Variants in VPS13B observed in about 807,000 individuals in gnomAD.
The protein encoded by VPS13B is intermembrane lipid transfer protein VPS13B.
In VPS13B, 285 loss-of-function variants were observed where a neutral mutation model predicts 426.4. That is an observed-to-expected ratio of 0.67 (90% confidence interval 0.61 to 0.74). The LOEUF (loss-of-function observed/expected upper bound fraction) is 0.74. VPS13B is among the 30% of genes least tolerant of loss of function. VPS13B has a pLI of 0.00. For missense variants in VPS13B, 4,537 were observed against 4,782.6 expected (o/e 0.95, Z 1.51); for synonymous variants, 1,676 against 1,676.4 (o/e 1.00, Z 0.01).
At chr8:99,427,868 G>C (rs958146625) in intron 21 of VPS13B, among the ~76,000 whole-genome samples, 1 of 151,952 alleles carries the variant, frequency 6.6e-6, no homozygotes, top group Non-Finnish European at 1.5e-5. Context: ...GAGGTATCAG[G>C]CTACCTGACT....
At chr8:99,639,778 T>A (rs941564898) in intron 33 of VPS13B, among the ~76,000 whole-genome samples, 5 of 148,942 alleles carry the variant, frequency 3.4e-5, no homozygotes, top group Non-Finnish European at 5.9e-5. Flanking sequence ...TGAGACCAGG[T>A]TGGGCTACAC....
intron 3 of VPS13B, among the ~76,000 whole-genome samples, chr8:99,073,855 C>T (rs976379866): frequency 2.0e-5 from 3 of 151,996 alleles, no homozygotes; most frequent in Non-Finnish European, 2.9e-5. Flanking sequence ...ACTGCAGCCT[C>T]AACCTCCCTG....
Position 99,875,846 on chromosome 8 carries a change from A to T in VPS13B, c.*180A>T. ...CCACCATAAAGGGCTGCATTTTGCC[A>T]CCATAAAGGGCTGCATTTTTTTAAA... On this transcript the variant is annotated 3_prime_UTR_variant, in exon 62 of 62. Transcript: ENST00000357162. 1 of 763,944 alleles carries T rather than the reference A, an allele frequency of 1.3e-6. No homozygotes were observed. Among genetic ancestry groups the T allele is most frequent in the Non-Finnish European group, 2.1e-6 (1 of 479,772 alleles). The allele number at this position is 763,944 out of a possible 1,614,324, so 47.3% of individuals were successfully genotyped here.
intron 43 of VPS13B, among the ~76,000 whole-genome samples, 165 bp downstream of exon 43, chr8:99,784,641 C>T (rs185851030): frequency 7.2e-5 from 11 of 152,246 alleles, no homozygotes; most frequent in East Asian, 3.9e-4. Flanking sequence ...TGGGAGCACA[C>T]GCTTCTCTTG....
At chr8:99,437,568 A>G (rs1257471437) in intron 22 of VPS13B, among the ~76,000 whole-genome samples, 1 of 151,996 alleles carries the variant, frequency 6.6e-6, no homozygotes, top group Non-Finnish European at 1.5e-5. Flanking sequence ...AAATACAAAA[A>G]TTAGCTGGGC....
intron 31 of VPS13B, among the ~76,000 whole-genome samples, chr8:99,569,460 A>C (rs1825366115): frequency 5.3e-5 from 8 of 151,652 alleles, no homozygotes; most frequent in Admixed American, 2.6e-4. Context: ...AAAAAAAAAA[A>C]GAAAAAAGAA....
chr8:99,209,566 ATTTTTT>A, intron 17 of VPS13B: 1 of 225,424 alleles, frequency 4.4e-6, no homozygotes, highest in South Asian at 5.5e-5. Flanking sequence ...TTTAATAACA[ATTTTTT>A]TTTTTTTTTT....
intron 16 of VPS13B, among the ~76,000 whole-genome samples, chr8:99,180,160 G>A (rs1159699530): frequency 3.9e-5 from 6 of 152,138 alleles, no homozygotes; most frequent in Non-Finnish European, 7.4e-5. Context: ...ATGAGATAAT[G>A]TAAAGGCATC....
At chr8:99,016,557 G>T (rs1292369672) in intron 2 of VPS13B, among the ~76,000 whole-genome samples, 8 of 102,202 alleles carry the variant, frequency 7.8e-5, no homozygotes, top group South Asian at 3.3e-4. Context: ...TAAAAATTGA[G>T]TTTTCTGTCT....
chr8:99,587,227 G>A (rs1198419760), intron 33 of VPS13B, among the ~76,000 whole-genome samples: 1 of 152,182 alleles, frequency 6.6e-6, no homozygotes, highest in African/African-American at 2.4e-5. Context: ...TATCACTGAT[G>A]GACATTTGGG....
chr8:99,359,989 G>C (rs774561680), intron 19 of VPS13B, among the ~76,000 whole-genome samples: 43 of 151,960 alleles, frequency 2.8e-4, no homozygotes, highest in Non-Finnish European at 5.9e-4. Flanking sequence ...TTTTAGTAGA[G>C]ATGGGGTTTC....
chr8:99,347,483 AG>A (rs894192341), intron 19 of VPS13B: 3 of 152,730 alleles, frequency 2.0e-5, no homozygotes, highest in African/African-American at 7.2e-5. Flanking sequence ...CGTGGTTCTA[AG>A]AGAACACTGA....
At chr8:99,202,743 A>G (rs1338406662) in intron 17 of VPS13B, among the ~76,000 whole-genome samples, 1 of 151,878 alleles carries the variant, frequency 6.6e-6, no homozygotes, top group East Asian at 1.9e-4. Context: ...AGACACAACA[A>G]AAAAAAATGG....
chr8:99,480,479 A>G (rs1819978714), intron 24 of VPS13B, among the ~76,000 whole-genome samples: 1 of 152,188 alleles, frequency 6.6e-6, no homozygotes, highest in Non-Finnish European at 1.5e-5. Context: ...TTTAAGAAAA[A>G]GCAAAATAAT....
rs181838662 is a variant in VPS13B at position 99,513,796 on chromosome 8, T to G, written c.4633+2284T>G. 3.3e-5 allele frequency among the ~76,000 whole-genome samples: 5 copies of G among 152,282 alleles called. No homozygotes were observed. The East Asian group carries it at 9.6e-4, about 29-fold the overall frequency. On this transcript the variant is annotated intron_variant, in intron 29 of 61. Coordinates refer to ENST00000357162, the MANE Select transcript of VPS13B (RefSeq NM_152564.5). ...AAACTTGACCAAGAATATGATACAATATCAGTGTGTTGTTTTTTTCTGCAT... is the reference window on the plus strand; with the variant it reads ...AAACTTGACCAAGAATATGATACAAGATCAGTGTGTTGTTTTTTTCTGCAT...
intron 19 of VPS13B, among the ~76,000 whole-genome samples, chr8:99,379,619 A>G (rs1194984434): frequency 6.6e-6 from 1 of 152,102 alleles, no homozygotes; most frequent in Admixed American, 6.5e-5. Flanking sequence ...TATATCCTAA[A>G]TTTGATTGAT....
intron 19 of VPS13B, among the ~76,000 whole-genome samples, chr8:99,285,017 T>G (rs1169064794): frequency 1.3e-5 from 2 of 152,228 alleles, no homozygotes; most frequent in Non-Finnish European, 2.9e-5. Context: ...TACCCTATAT[T>G]AACCAGTGAT....
chr8:99,424,757 A>T (rs952304954), intron 21 of VPS13B, among the ~76,000 whole-genome samples: 9 of 152,186 alleles, frequency 5.9e-5, no homozygotes, highest in Non-Finnish European at 1.3e-4. Context: ...AAACGCTTCA[A>T]AAAAATCAAT....
intron 19 of VPS13B, among the ~76,000 whole-genome samples, chr8:99,290,422 G>A (rs1468428850): frequency 1.3e-5 from 2 of 151,898 alleles, no homozygotes; most frequent in Non-Finnish European, 2.9e-5. Context: ...ACCAAACACT[G>A]CATGTTCTCA....
Sources: gnomAD v4.1 joint callset for allele counts (sites outside exome capture counted in the v4.1 genomes callset) on GRCh38, gnomAD v4.1.1 for gene constraint, MANE v1.5 for transcripts, NCBI Gene and HGNC (gene_info 2026-07-23, HGNC 2026-07-21) for gene names.